Variants in MANF observed in about 807,000 individuals in gnomAD.
MANF encodes the protein mesencephalic astrocyte-derived neurotrophic factor.
In MANF, 9 loss-of-function variants were observed where a neutral mutation model predicts 19.1. The ratio of observed to expected loss-of-function variants is 0.47; its 90% CI spans 0.28 to 0.82. The LOEUF (loss-of-function observed/expected upper bound fraction) is 0.82. MANF is among the 40% of genes least tolerant of loss of function. The probability of loss-of-function intolerance (pLI) is 0.10; values close to 1 mark genes in which losing one functional copy is unlikely to be tolerated. For synonymous variants in MANF, 89 were observed against 88.0 expected, an observed-to-expected ratio of 1.01 and a Z score of -0.06; for missense variants, 225 against 226.7, an observed-to-expected ratio of 0.99 and a Z score of 0.05.
At chr3:51,385,970 GT>G in intron 1 of MANF, 1 of 531,584 alleles carries the variant, frequency 1.9e-6, no homozygotes, top group Non-Finnish European at 3.4e-6. Context: ...GGGAGAAGTC[GT>G]TTATAGGTCA....
intron 3 of MANF, among the ~76,000 whole-genome samples, 167 bp downstream of exon 3, chr3:51,388,045 G>T (rs2088979419): frequency 6.6e-6 from 1 of 152,172 alleles, no homozygotes; most frequent in Non-Finnish European, 1.5e-5. Context: ...GGTCAGAATA[G>T]GCCTTATTGA....
In MANF at chr3:51,385,304, C is replaced by A. The variant is rs1553620630; in HGVS notation, c.-39C>A. The A allele has an allele frequency of 4.2e-6, 5 of 1,185,400 alleles. No homozygotes were observed. The Admixed American group carries it at 1.7e-4, about 40-fold the overall frequency. 73.4% of individuals were successfully genotyped at this position (1,185,400 alleles called of 1,614,324 possible). On this transcript the variant is annotated 5_prime_UTR_variant, in exon 1 of 4. Coordinates refer to ENST00000528157, the MANE Select transcript of MANF (RefSeq NM_006010.6). ...CGGGTGCGGTTCAGTCGGTCGGCGG[C>A]GGCAGCGGAGGAGGAGGAGGAGGAG...
rs1195052399 is a variant in MANF at position 51,388,946 on chromosome 3, C to T, written c.406C>T (p.Arg136Ter). 7 of 1,591,908 alleles carry T rather than the reference C, an allele frequency of 4.4e-6. No individual in the cohort carries two copies. Among genetic ancestry groups the T allele is most frequent in the East Asian group, 4.6e-5 (2 of 43,812 alleles). The change falls in exon 4 of 4, where the codon CGA (arginine) becomes TGA (stop). Residue 136 changes from arginine to a stop codon, truncating the protein, a stop_gained. Coordinates refer to ENST00000528157, the MANE Select transcript of MANF (RefSeq NM_006010.6). LOFTEE classifies it high-confidence loss of function. ...GAGCACAGTGGACCTGAAGAAGCTC[C>T]GAGTTAAAGAGCTGAAGAAGATTCT... ...DLSTVDLKKL[R>*]VKELKKILDD...
At chr3:51,388,421 G>A (rs1553621102) in intron 3 of MANF, among the ~76,000 whole-genome samples, 3 of 152,212 alleles carry the variant, frequency 2.0e-5, no homozygotes, top group Non-Finnish European at 1.5e-5. Flanking sequence ...GAAACAGTCA[G>A]GGCCTCTTCT....
At position 51,387,862 on chromosome 3, in the gene MANF, A is replaced by C; in HGVS notation, c.348A>C (p.Ile116=). ...CEKLKKKDSQ[I]CELKYDKQID... ...AGCTTAAGAAGAAGGACAGCCAGATATGTGAGCTTAAGTATGGTGAGTATG... is the reference window on the plus strand; with the variant it reads ...AGCTTAAGAAGAAGGACAGCCAGATCTGTGAGCTTAAGTATGGTGAGTATG... The change falls in exon 3 of 4, where the codon ATA becomes ATC. Residue 116 remains isoleucine, a synonymous_variant. Coordinates refer to ENST00000528157, the MANE Select transcript of MANF (RefSeq NM_006010.6). The C allele has an allele frequency of 6.2e-7, 1 of 1,613,742 alleles. No individual in the cohort carries two copies. The highest frequency in any genetic ancestry group is 1.7e-5 in the Admixed American group (1 of 59,998).
chr3:51,387,471 A>AG (rs2106637410), intron 2 of MANF, among the ~76,000 whole-genome samples: 1 of 152,156 alleles, frequency 6.6e-6, no homozygotes, highest in East Asian at 1.9e-4. Flanking sequence ...CAAAAAAAAA[A>AG]AAAAATTGTT....
At chr3:51,385,616 C>G (rs1040096550) in intron 1 of MANF, 180 bp downstream of exon 1, 3 of 390,046 alleles carry the variant, frequency 7.7e-6, no homozygotes, top group East Asian at 7.4e-5. Flanking sequence ...GTAAATCTTT[C>G]TTGGGCCTAG....
rs138557075 is a variant in MANF, at chr3:51,388,422, G to A, written c.365-483G>A. Among the ~76,000 whole-genome samples the A allele has an allele frequency of 5.0e-3, 754 of 152,254 alleles. 6 individuals carry two copies. Among genetic ancestry groups the A allele is most frequent in the African/African-American group, 0.017 (713 of 41,542 alleles). Reference sequence around the variant, plus strand: ...AGTCCCAGTCTTCAGAAACAGTCAGGGCCTCTTCTGAAAAACTTGAATGGC... The same window carrying A: ...AGTCCCAGTCTTCAGAAACAGTCAGAGCCTCTTCTGAAAAACTTGAATGGC... On this transcript the variant is annotated intron_variant, in intron 3 of 3. Transcript: ENST00000528157.
intron 2 of MANF, chr3:51,386,976 T>C (rs1553620987): frequency 6.6e-6 from 3 of 456,522 alleles, no homozygotes; most frequent in African/African-American, 6.0e-5. Context: ...GTGTTAAGAG[T>C]CCAGGGTTTA....
At chr3:51,386,115 G>A in intron 1 of MANF, 93 bp from the exon 2 acceptor site, 2 of 1,340,968 alleles carry the variant, frequency 1.5e-6, no homozygotes, top group Non-Finnish European at 2.1e-6. Context: ...ATTCATCTCC[G>A]TGTCTCCTAT....
intron 1 of MANF, 75 bp downstream of exon 1, chr3:51,385,511 A>C: frequency 4.0e-5 from 8 of 201,522 alleles, no homozygotes; most frequent in Non-Finnish European, 5.7e-5. Context: ...ACATCACCAG[A>C]CGGCCGGGGC....
intron 3 of MANF, 76 bp from the exon 4 acceptor site, chr3:51,388,829 A>C: frequency 8.7e-7 from 1 of 1,143,696 alleles, no homozygotes. Context: ...CCGTTCAGGG[A>C]GTGACATACT....
In MANF at chr3:51,389,226, T is replaced by C. The variant is rs1482844230; in HGVS notation, c.*137T>C. The C allele has an allele frequency of 8.3e-6, 6 of 722,826 alleles. No homozygotes were observed. Among genetic ancestry groups the C allele is most frequent in the Non-Finnish European group, 1.1e-5 (5 of 446,792 alleles). 44.8% of individuals were successfully genotyped at this position (722,826 alleles called of 1,614,324 possible). ...GATGTGAAGCCTGGAGCTTTCCTGA[T>C]GATGCTGGCCCTACAGTACCCCCAT... is the stretch of plus-strand genomic sequence containing the variant. On this transcript the variant is annotated 3_prime_UTR_variant, in exon 4 of 4. Transcript: ENST00000528157.
intron 2 of MANF, among the ~76,000 whole-genome samples, chr3:51,387,350 G>A (rs1169960187): frequency 1.3e-5 from 2 of 152,166 alleles, no homozygotes; most frequent in African/African-American, 4.8e-5. Flanking sequence ...CAGCTGCTCA[G>A]GAGGCTGAGG....
At chr3:51,387,636 A>T (rs2088974925) in intron 2 of MANF, 101 bp from the exon 3 acceptor site, 3 of 1,166,566 alleles carry the variant, frequency 2.6e-6, no homozygotes, top group Non-Finnish European at 3.6e-6. Flanking sequence ...CTCAAAACAC[A>T]AGTAAGGCCC....
chr3:51,387,675 G>A, intron 2 of MANF, 62 bp from the exon 3 acceptor site: 2 of 1,509,410 alleles, frequency 1.3e-6, no homozygotes, highest in African/African-American at 1.4e-5. Flanking sequence ...CAAGGTGTCA[G>A]TATGTTTGGA....
intron 2 of MANF, chr3:51,387,084 AG>A (rs1406212769): frequency 2.7e-6 from 1 of 367,350 alleles, no homozygotes; most frequent in African/African-American, 2.1e-5. Flanking sequence ...GCACTTTGGG[AG>A]GCCAAGGTGG....
At chr3:51,387,925 G>A (rs1475542553) in intron 3 of MANF, 47 bp downstream of exon 3, 2 of 1,597,514 alleles carry the variant, frequency 1.3e-6, no homozygotes, top group Non-Finnish European at 1.7e-6. Context: ...CACCTTCTGG[G>A]TTTGTTTCCC....
rs782429710 is a variant in MANF at position 51,387,761 on chromosome 3, G to A, written c.247G>A (p.Asp83Asn). The A allele has an allele frequency of 1.5e-5, 24 of 1,612,264 alleles. No individual in the cohort carries two copies. The highest frequency in any genetic ancestry group is 1.6e-5 in the Non-Finnish European group (19 of 1,179,062). The change falls in exon 3 of 4, where the codon GAT becomes AAT. Residue 83 changes from aspartate (D) to asparagine (N), a missense_variant. Asp to Asn is a conservative substitution (Grantham distance 23). Coordinates refer to ENST00000528157, the MANE Select transcript of MANF (RefSeq NM_006010.6). ...GTGCTACTATATCGGGGCCACAGAT[G>A]ATGCAGCCACCAAAATCATCAATGA... is the stretch of plus-strand genomic sequence containing the variant. ...RLCYYIGATD[D>N]AATKIINEVS...
Sources: allele counts gnomAD v4.1 joint callset (sites outside exome capture counted in the v4.1 genomes callset), GRCh38; gene constraint gnomAD v4.1.1; transcripts MANE v1.5; gene names NCBI Gene and HGNC (gene_info 2026-07-23, HGNC 2026-07-21).